FRMD4A: variants seen among roughly 807,000 people sequenced by gnomAD.
FRMD4A encodes the protein FERM domain-containing protein 4A.
Under a neutral mutation model 129.1 loss-of-function variants are expected in FRMD4A, and 29 were observed. That is an observed-to-expected ratio of 0.22 (90% CI 0.17 to 0.31). The LOEUF (loss-of-function observed/expected upper bound fraction) is 0.31. Ranked by LOEUF, FRMD4A falls within the 10% of genes least tolerant of loss-of-function variation. The pLI, the probability that FRMD4A is intolerant of heterozygous loss-of-function variation, is 1.00. For synonymous variants in FRMD4A, 634 were observed against 571.6 expected, an observed-to-expected ratio of 1.11 and a Z score of -1.56; for missense variants, 1,272 against 1,375.8, an observed-to-expected ratio of 0.92 and a Z score of 1.19.
chr10:14,287,488 A>G (rs765273706), intron 2 of FRMD4A, among the ~76,000 whole-genome samples: 2 of 152,220 alleles, frequency 1.3e-5, no homozygotes, highest in African/African-American at 4.8e-5. Context: ...TCTCTGAGCC[A>G]CATAAATATT....
At chr10:14,211,448 C>T (rs943118769) in intron 2 of FRMD4A, among the ~76,000 whole-genome samples, 1 of 152,160 alleles carries the variant, frequency 6.6e-6, no homozygotes, top group Admixed American at 6.5e-5. Context: ...CCTTAAGGCA[C>T]GCATCACTAT....
chr10:13,714,035 T>TATAAAATATATATAATATATA lies in FRMD4A; in HGVS notation c.760-6923_760-6922insTATATATTATATATATTTTAT, dbSNP rs2088468798. 3.4e-4 allele frequency among the ~76,000 whole-genome samples: 16 copies of TATAAAATATATATAATATATA among 46,526 alleles called. 3 individuals carry two copies. In the South Asian group the frequency reaches 3.9e-3, roughly 11 times the overall value. 30.5% of individuals were successfully genotyped at this position (46,526 alleles called of 152,430 possible). On this transcript the variant is annotated intron_variant, in intron 12 of 24. Coordinates refer to ENST00000357447, the MANE Select transcript of FRMD4A (RefSeq NM_018027.5). ...TACATATATAAAATATACATATATA[T>TATAAAATATATATAATATATA]ATATATATATATATATATATATATA...
chr10:13,895,921 C>G (rs920093351), intron 2 of FRMD4A, among the ~76,000 whole-genome samples: 15 of 152,190 alleles, frequency 9.9e-5, no homozygotes, highest in Non-Finnish European at 5.9e-5. Flanking sequence ...TGAAAAAAAT[C>G]TCGTCATCAC....
chr10:13,942,257 C>T (rs983860089), intron 2 of FRMD4A, among the ~76,000 whole-genome samples: 2 of 152,216 alleles, frequency 1.3e-5, no homozygotes, highest in African/African-American at 4.8e-5. Flanking sequence ...TCCCTTTCAT[C>T]GCAGGCACTG....
At chr10:13,991,614 T>A (rs966656844) in intron 2 of FRMD4A, among the ~76,000 whole-genome samples, 4 of 152,250 alleles carry the variant, frequency 2.6e-5, no homozygotes, top group Admixed American at 1.3e-4. Context: ...GAGCACAATG[T>A]TCCCATGTCT....
intron 12 of FRMD4A, among the ~76,000 whole-genome samples, chr10:13,731,290 T>C (rs1265111362): frequency 3.9e-5 from 6 of 152,054 alleles, no homozygotes; most frequent in East Asian, 1.9e-4. Flanking sequence ...GGAAACATCA[T>C]TGGGTGAAGG....
At chr10:14,270,712 T>G (rs1018898003) in intron 2 of FRMD4A, among the ~76,000 whole-genome samples, 1 of 152,206 alleles carries the variant, frequency 6.6e-6, no homozygotes, top group Admixed American at 6.5e-5. Flanking sequence ...AACTGCGACT[T>G]TAAGTGAAAC....
chr10:14,158,945 G>A (rs1050438130), intron 2 of FRMD4A, among the ~76,000 whole-genome samples: 3 of 152,128 alleles, frequency 2.0e-5, no homozygotes, highest in Admixed American at 6.5e-5. Flanking sequence ...ATATCTTGAA[G>A]AAAGGAAGTA....
At chr10:13,832,609 A>T (rs2093808053) in intron 3 of FRMD4A, among the ~76,000 whole-genome samples, 1 of 152,220 alleles carries the variant, frequency 6.6e-6, no homozygotes, top group East Asian at 1.9e-4. Context: ...GCTGAAGTAC[A>T]GTGGTACAAT....
At chr10:13,987,026 G>A (rs2095584228) in intron 2 of FRMD4A, among the ~76,000 whole-genome samples, 1 of 152,104 alleles carries the variant, frequency 6.6e-6, no homozygotes, top group South Asian at 2.1e-4. Context: ...CTGGCTATGT[G>A]ACTACACTTT....
rs191797823 is a variant in FRMD4A at position 14,119,405 on chromosome 10, G to C, written c.45+210653C>G. ...CCCCAGGTACCTGAACGAGGAGAAGGGACAGAGTGAAATGCCTTGATGTGC... is the reference window on the plus strand; with the variant it reads ...CCCCAGGTACCTGAACGAGGAGAAGCGACAGAGTGAAATGCCTTGATGTGC... On this transcript the variant is annotated intron_variant, in intron 2 of 24. Transcript: ENST00000357447. 2.5e-4 allele frequency among the ~76,000 whole-genome samples: 38 copies of C among 152,280 alleles called. No homozygotes were observed. In the East Asian group the frequency reaches 6.0e-3, roughly 24 times the overall value.
chr10:13,853,963 T>C (rs1252170954), intron 3 of FRMD4A, among the ~76,000 whole-genome samples: 3 of 152,058 alleles, frequency 2.0e-5, no homozygotes, highest in Admixed American at 6.5e-5. Flanking sequence ...TCGGTTTTTC[T>C]GGCACTGGGC....
At chr10:14,063,181 T>TC (rs200584378) in intron 2 of FRMD4A, among the ~76,000 whole-genome samples, 117 of 151,228 alleles carry the variant, frequency 7.7e-4, no homozygotes, top group African/African-American at 2.7e-3. Context: ...AAATCTGCTT[T>TC]TTTTTTTCTT....
At chr10:13,786,671 A>G (rs2130794600) in intron 5 of FRMD4A, among the ~76,000 whole-genome samples, 2 of 152,284 alleles carry the variant, frequency 1.3e-5, no homozygotes, top group African/African-American at 4.8e-5. Flanking sequence ...GCAGAATAAT[A>G]AAAGAAACTA....
At chr10:13,864,350 A>AAAG (rs1182750639) in intron 2 of FRMD4A, among the ~76,000 whole-genome samples, 4 of 150,940 alleles carry the variant, frequency 2.7e-5, no homozygotes, top group South Asian at 2.1e-4. Flanking sequence ...AAAAAAAAAA[A>AAAG]AAAAGAAAAA....
chr10:14,227,902 T>A (rs1843501128), intron 2 of FRMD4A, among the ~76,000 whole-genome samples: 1 of 151,844 alleles, frequency 6.6e-6, no homozygotes, highest in Admixed American at 6.6e-5. Flanking sequence ...TTTAACGGAG[T>A]CTTGCTCTGT....
rs57314404 is a variant in FRMD4A at position 13,962,038 on chromosome 10, CGAATGAATGAATGAATGAAT to C, written c.46-103146_46-103127del. The stretch of plus-strand genomic sequence containing the variant: ...TGTTAGATAAATGAACAAAAACACA[CGAATGAATGAATGAATGAAT>C]GAATGAATGAATGAATGAATCTTCA... On this transcript the variant is annotated intron_variant, in intron 2 of 24. Transcript: ENST00000357447. Among the ~76,000 whole-genome samples the C allele has an allele frequency of 2.3e-5, 3 of 128,416 alleles. No individual in the cohort carries two copies. The Admixed American group carries it at 2.3e-4, about 10-fold the overall frequency. 84.2% of individuals were successfully genotyped at this position (128,416 alleles called of 152,430 possible).
chr10:13,964,220 A>G (rs1447351047), intron 2 of FRMD4A, among the ~76,000 whole-genome samples: 1 of 152,066 alleles, frequency 6.6e-6, no homozygotes, highest in African/African-American at 2.4e-5. Flanking sequence ...AGAAAACCAA[A>G]ACAAAAAACA....
At chr10:13,672,658 C>G (rs1480995408) in intron 16 of FRMD4A, among the ~76,000 whole-genome samples, 1 of 152,180 alleles carries the variant, frequency 6.6e-6, no homozygotes, top group South Asian at 2.1e-4. Context: ...TAATTTAACA[C>G]TCTGCAGTGG....
Sources: gnomAD v4.1 joint callset for allele counts (sites outside exome capture counted in the v4.1 genomes callset) on GRCh38, gnomAD v4.1.1 for gene constraint, MANE v1.5 for transcripts, NCBI Gene and HGNC (gene_info 2026-07-23, HGNC 2026-07-21) for gene names.